SCNN1B: variants seen among roughly 807,000 people sequenced by gnomAD.
SCNN1B encodes the protein epithelial sodium channel subunit beta.
In SCNN1B, 46 loss-of-function variants were observed where a neutral mutation model predicts 65.3. The observed-to-expected ratio is 0.70, with a 90% CI of 0.56 to 0.90. The LOEUF is 0.90. SCNN1B is among the 40% of genes least tolerant of loss of function. SCNN1B has a pLI of 0.00. For synonymous variants in SCNN1B, 349 were observed against 330.6 expected (o/e 1.06, Z -0.60); for missense variants, 751 against 830.5 (o/e 0.90, Z 1.18).
chr16:23,297,823 G>A (rs1961019003), upstream of SCNN1B, among the ~76,000 whole-genome samples: 1 of 152,198 alleles, frequency 6.6e-6, no homozygotes, highest in Non-Finnish European at 1.5e-5. Flanking sequence ...TCAAAATACA[G>A]ATGAGGGGTG....
chr16:23,288,176 A>T (rs1960877421), intron 2 of SCNN1B, among the ~76,000 whole-genome samples: 2 of 152,010 alleles, frequency 1.3e-5, no homozygotes, highest in Non-Finnish European at 2.9e-5. Flanking sequence ...AAAACAAAAA[A>T]GTTGCAAAGT....
intron 1 of SCNN1B, among the ~76,000 whole-genome samples, chr16:23,341,267 A>C (rs1442685022): frequency 6.6e-6 from 1 of 152,208 alleles, no homozygotes; most frequent in African/African-American, 2.4e-5. Context: ...AAAAACAATG[A>C]AGTTGGATTC....
chr16:23,325,345 C>A (rs1961672891), intron 1 of SCNN1B, among the ~76,000 whole-genome samples: 1 of 152,004 alleles, frequency 6.6e-6, no homozygotes, highest in African/African-American at 2.4e-5. Flanking sequence ...CAGCTCATTG[C>A]AACCTCCGCC....
intron 1 of SCNN1B, among the ~76,000 whole-genome samples, chr16:23,312,440 G>A (rs1961364764): frequency 6.6e-6 from 1 of 152,052 alleles, no homozygotes; most frequent in African/African-American, 2.4e-5. Context: ...AACTTGGTGG[G>A]GGGAATTTGA....
intron 1 of SCNN1B, among the ~76,000 whole-genome samples, chr16:23,318,178 C>A (rs1961511591): frequency 6.6e-6 from 1 of 152,150 alleles, no homozygotes; most frequent in Non-Finnish European, 1.5e-5. Flanking sequence ...GGCAATATAG[C>A]AAAGTGGTTA....
At chr16:23,344,504 T>A (rs1354164223) in intron 1 of SCNN1B, among the ~76,000 whole-genome samples, 1 of 152,398 alleles carries the variant, frequency 6.6e-6, no homozygotes, top group East Asian at 1.9e-4. Context: ...GTTCTTCCCA[T>A]ATGCTTGAGT....
chr16:23,311,859 G>C (rs747201412), intron 1 of SCNN1B, among the ~76,000 whole-genome samples: 35 of 152,182 alleles, frequency 2.3e-4, no homozygotes, highest in Non-Finnish European at 3.7e-4. Flanking sequence ...ATAGGGAAGA[G>C]GGGGAGATTT....
intron 2 of SCNN1B, among the ~76,000 whole-genome samples, chr16:23,288,220 T>G (rs1264877194): frequency 6.6e-6 from 1 of 152,032 alleles, no homozygotes; most frequent in Non-Finnish European, 1.5e-5. Flanking sequence ...TTAGCTAGGA[T>G]ATATCTATAA....
intron 5 of SCNN1B, among the ~76,000 whole-genome samples, chr16:23,368,561 GC>G (rs1171364985): frequency 6.6e-6 from 1 of 152,024 alleles, no homozygotes; most frequent in Non-Finnish European, 1.5e-5. Context: ...CCTTCTCAAA[GC>G]CTTAGTTTCC....
intron 2 of SCNN1B, among the ~76,000 whole-genome samples, chr16:23,296,709 C>A (rs919149579): frequency 1.3e-5 from 2 of 152,090 alleles, no homozygotes; most frequent in Non-Finnish European, 2.9e-5. Context: ...GCAATGAGAT[C>A]GAAGATCAGA....
chr16:23,295,046 A>C (rs970773076), intron 2 of SCNN1B, among the ~76,000 whole-genome samples: 1 of 151,986 alleles, frequency 6.6e-6, no homozygotes, highest in Non-Finnish European at 1.5e-5. Context: ...TCTGGCCTGC[A>C]TTTGTTTTTC....
At chr16:23,288,228 TA>T (rs1225670958) in intron 2 of SCNN1B, among the ~76,000 whole-genome samples, 4 of 152,138 alleles carry the variant, frequency 2.6e-5, no homozygotes, top group Non-Finnish European at 4.4e-5. Flanking sequence ...GATATATCTA[TA>T]AAAGAAAACT....
intron 1 of SCNN1B, among the ~76,000 whole-genome samples, chr16:23,307,125 G>C (rs1441971814): frequency 2.0e-5 from 3 of 152,126 alleles, no homozygotes; most frequent in Non-Finnish European, 4.4e-5. Context: ...GTGAGCCCTT[G>C]CTGAGCCTCA....
chr16:23,363,553 C>A (rs1469679903), intron 4 of SCNN1B, among the ~76,000 whole-genome samples: 1 of 152,220 alleles, frequency 6.6e-6, no homozygotes, highest in African/African-American at 2.4e-5. Flanking sequence ...TGGTGGATGC[C>A]TATAATCCCA....
rs569501062 is a variant in SCNN1B, at chr16:23,343,475, A to AAAGGAAGGAAGGAAGGAAGGAAGG, written c.-8-5106_-8-5083dup. Among the ~76,000 whole-genome samples, 259 of 113,130 alleles carry AAAGGAAGGAAGGAAGGAAGGAAGG rather than the reference A, an allele frequency of 2.3e-3. 30 individuals are homozygous for AAAGGAAGGAAGGAAGGAAGGAAGG. The highest frequency in any genetic ancestry group is 0.013 in the African/African-American group (239 of 18,168). 74.2% of individuals were successfully genotyped at this position (113,130 alleles called of 152,430 possible). A position where few individuals can be genotyped will look rare whatever the true frequency, so the allele number is the denominator to read the frequency against. On this transcript the variant is annotated intron_variant, in intron 1 of 12. Coordinates refer to ENST00000343070, the MANE Select transcript of SCNN1B (RefSeq NM_000336.3). The stretch of plus-strand genomic sequence containing the variant: ...CAAAAATAAAAAAAGGAAAAGAAAG[A>AAAGGAAGGAAGGAAGGAAGGAAGG]AAGGAAGGAAGGAAGGAAGGAAGGA...
intron 1 of SCNN1B, among the ~76,000 whole-genome samples, chr16:23,346,191 T>C (rs1037286886): frequency 1.4e-5 from 2 of 141,628 alleles, no homozygotes; most frequent in African/African-American, 5.6e-5. Flanking sequence ...AACACCCTTT[T>C]TTCCTTTTCT....
intron 11 of SCNN1B, among the ~76,000 whole-genome samples, chr16:23,379,740 C>T (rs192878599): frequency 6.6e-6 from 1 of 152,128 alleles, no homozygotes; most frequent in Non-Finnish European, 1.5e-5. Context: ...CTGTCCCAGG[C>T]CAGAGTGTCC....
At chr16:23,286,001 A>T (rs1004721585) in intron 2 of SCNN1B, among the ~76,000 whole-genome samples, 2 of 151,906 alleles carry the variant, frequency 1.3e-5, no homozygotes. Flanking sequence ...TGAATGAAAC[A>T]TATTAAATCT....
At chr16:23,376,769 GA>G (rs1033856688) in intron 8 of SCNN1B, among the ~76,000 whole-genome samples, 33 of 141,900 alleles carry the variant, frequency 2.3e-4, no homozygotes, top group Non-Finnish European at 3.1e-4. Flanking sequence ...AAGAAAGAAA[GA>G]AAAAAAAAAG....
Sources: allele counts gnomAD v4.1 joint callset (sites outside exome capture counted in the v4.1 genomes callset), GRCh38; gene constraint gnomAD v4.1.1; transcripts MANE v1.5; gene names NCBI Gene and HGNC (gene_info 2026-07-23, HGNC 2026-07-21).